The following NEK6 variants were observed in gnomAD, a reference collection of about 807,000 sequenced individuals.
The protein encoded by NEK6 is NIMA related kinase 6.
A neutral mutation model predicts 43.5 loss-of-function variants in NEK6; 27 were observed. That is an observed-to-expected ratio of 0.62 (90% CI 0.46 to 0.86). The LOEUF (loss-of-function observed/expected upper bound fraction) is 0.86. NEK6 is among the 40% of genes least tolerant of loss of function. The pLI is 0.00. For missense variants in NEK6, 318 were observed against 414.4 expected (o/e 0.77, Z 2.02); for synonymous variants, 167 against 164.1 (o/e 1.02, Z -0.14).
intron 5 of NEK6, among the ~76,000 whole-genome samples, chr9:124,322,904 CATTTCCGTTGACATATT>C (rs1429342683): frequency 6.6e-6 from 1 of 152,270 alleles, no homozygotes; most frequent in Non-Finnish European, 1.5e-5. Flanking sequence ...CCTGCTCTTA[CATTTCCGTTGACATATT>C]AATGCCTTTG....
In NEK6 at chr9:124,326,204, C is replaced by CG. The variant is rs1588517430; in HGVS notation, c.406-126_406-125insG. On this transcript the variant is annotated intron_variant, in intron 5 of 9. Coordinates refer to ENST00000320246, the MANE Select transcript of NEK6 (RefSeq NM_014397.6). This position sits in a 1 kb window ranked among gnomAD's most constrained non-coding sequence, Gnocchi z 4.5. ...TTATTGTTTGCTCAGTGGCTCAATC[C>CG]CCCCCCCCCGCCCCTGCCAGGCACC... 1 of 77,492 alleles carries CG rather than the reference C, an allele frequency of 1.3e-5. No homozygotes were observed. The highest frequency in any genetic ancestry group is 6.9e-4 in the South Asian group (1 of 1,454). 4.8% of individuals were successfully genotyped at this position (77,492 alleles called of 1,614,324 possible).
At chr9:124,317,679 G>A (rs899382415) in intron 4 of NEK6, among the ~76,000 whole-genome samples, 2 of 152,004 alleles carry the variant, frequency 1.3e-5, no homozygotes, top group African/African-American at 4.8e-5. Context: ...CCCCACTCCC[G>A]CCCCCTCTTG....
At chr9:124,292,989 G>A in intron 1 of NEK6, 1 of 1,574,944 alleles carries the variant, frequency 6.3e-7, no homozygotes, top group Non-Finnish European at 8.6e-7. Context: ...CCGGCAGGAG[G>A]AGCAGAGCCT....
rs546533892 is a variant in NEK6 at position 124,265,278 on chromosome 9, C to G, written c.-30+7193C>G. ...GTGGCTCACGCCTGTAATCCCAGCA[C>G]TTTGGGAGGCCGAGGCAGGCGGATC... On this transcript the variant is annotated intron_variant, in intron 1 of 9. Transcript: ENST00000320246. 7.9e-5 allele frequency among the ~76,000 whole-genome samples: 12 copies of G among 152,290 alleles called. No individual in the cohort carries two copies. The South Asian group carries it at 1.7e-3, about 21-fold the overall frequency.
chr9:124,265,184 G>A (rs1217891836), intron 1 of NEK6, among the ~76,000 whole-genome samples: 2 of 152,308 alleles, frequency 1.3e-5, no homozygotes, highest in Middle Eastern at 3.4e-3. Flanking sequence ...ATCCCATCCA[G>A]CGGTTTGCTT....
intron 1 of NEK6, chr9:124,292,177 CCTCCAGGGCTGGAG>C: frequency 8.0e-7 from 1 of 1,248,760 alleles, no homozygotes; most frequent in Non-Finnish European, 1.0e-6. Flanking sequence ...GCCCCAGGGA[CCTCCAGGGCTGGAG>C]CTCCAGGGAC....
intron 2 of NEK6, among the ~76,000 whole-genome samples, chr9:124,311,519 C>T (rs1422860732): frequency 6.6e-6 from 1 of 152,184 alleles, no homozygotes; most frequent in East Asian, 1.9e-4. Flanking sequence ...CACAGGTGTC[C>T]TGGGGTCCTC....
At chr9:124,295,064 GCCT>G (rs1326318332) in intron 1 of NEK6, among the ~76,000 whole-genome samples, 1 of 152,224 alleles carries the variant, frequency 6.6e-6, no homozygotes, top group Non-Finnish European at 1.5e-5. Context: ...CAATCAGCTG[GCCT>G]CCTGATGCTG....
In NEK6 at chr9:124,337,434, G is replaced by A. The variant is rs1829352987; in HGVS notation, c.623-2137G>A. 2.6e-5 allele frequency among the ~76,000 whole-genome samples: 4 copies of A among 152,312 alleles called. No individual in the cohort carries two copies. In the South Asian group the frequency reaches 8.3e-4, roughly 32 times the overall value. On this transcript the variant is annotated intron_variant, in intron 7 of 9. Transcript: ENST00000320246. ...TGAGGTATAATATACATACAGTGAA[G>A]CTCCTGGAGCCCTTTCCTGGTCACC... is the stretch of plus-strand genomic sequence containing the variant.
chr9:124,302,287 C>G (rs1833021674), intron 2 of NEK6, among the ~76,000 whole-genome samples: 1 of 152,150 alleles, frequency 6.6e-6, no homozygotes, highest in Non-Finnish European at 1.5e-5. Context: ...GACCCTGCAC[C>G]CTGATCCTGC....
At position 124,326,265 on chromosome 9, in the gene NEK6, T is replaced by A; in HGVS notation, c.406-65T>A. On this transcript the variant is annotated intron_variant, in intron 5 of 9. Coordinates refer to ENST00000320246, the MANE Select transcript of NEK6 (RefSeq NM_014397.6). The surrounding 1 kb of genome is among the most constrained non-coding windows in gnomAD (Gnocchi z 4.5). ...TGGGGAAAGGACAGAGGCAGTGCCC[T>A]GTGGCCACCCACCTCCAAGCCCGCT... 1.1e-6 allele frequency: 1 copy of A among 870,130 alleles called. No individual in the cohort carries two copies. Among genetic ancestry groups the A allele is most frequent in the South Asian group, 1.3e-5 (1 of 77,680 alleles). 53.9% of individuals were successfully genotyped at this position (870,130 alleles called of 1,614,324 possible).
At chr9:124,305,477 C>G (rs1344060917) in intron 2 of NEK6, among the ~76,000 whole-genome samples, 1 of 150,400 alleles carries the variant, frequency 6.6e-6, no homozygotes, top group Non-Finnish European at 1.5e-5. Context: ...TCGCTTCAAC[C>G]TGGGAGGCAG....
rs571603711 is a variant in NEK6 at position 124,325,393 on chromosome 9, C to T, written c.406-937C>T. ...TCCTCCACCCATGCCCCTTTCCAGG[C>T]CAGTGTGTCCTGGTCAGTTCCCAGC... On this transcript the variant is annotated intron_variant, in intron 5 of 9. Transcript: ENST00000320246. Among the ~76,000 whole-genome samples, 6 of 152,366 alleles carry T rather than the reference C, an allele frequency of 3.9e-5. No individual in the cohort carries two copies. The East Asian group carries it at 1.2e-3, about 29-fold the overall frequency.
intron 7 of NEK6, among the ~76,000 whole-genome samples, chr9:124,329,734 C>G (rs1181236093): frequency 1.3e-5 from 2 of 152,232 alleles, no homozygotes; most frequent in Non-Finnish European, 2.9e-5. Context: ...GGTGACAGTG[C>G]CAAGCTAAAG....
chr9:124,313,825 G>A (rs925116751), intron 3 of NEK6, 98 bp from the exon 4 acceptor site: 2 of 1,204,968 alleles, frequency 1.7e-6, no homozygotes, highest in Non-Finnish European at 2.4e-6. Context: ...TGGTGAGGAG[G>A]TGGGAGAGCC....
intron 2 of NEK6, among the ~76,000 whole-genome samples, chr9:124,306,091 G>A (rs897949034): frequency 1.3e-5 from 2 of 152,114 alleles, no homozygotes; most frequent in Non-Finnish European, 2.9e-5. Context: ...TTCTTCACCA[G>A]GTGAGATGAT....
chr9:124,280,975 G>A (rs1831877665), intron 1 of NEK6, among the ~76,000 whole-genome samples: 1 of 152,094 alleles, frequency 6.6e-6, no homozygotes, highest in South Asian at 2.1e-4. Flanking sequence ...TTTTTGTGGA[G>A]ATGGGGTTTC....
intron 7 of NEK6, among the ~76,000 whole-genome samples, chr9:124,329,341 C>A (rs1370977913): frequency 2.0e-5 from 3 of 152,270 alleles, no homozygotes; most frequent in African/African-American, 7.2e-5. Flanking sequence ...CCGAGCCTTT[C>A]TCTGTCCCAC....
chr9:124,257,674 T>C (rs1008184270), upstream of NEK6: 5 of 1,531,900 alleles, frequency 3.3e-6, no homozygotes, highest in Middle Eastern at 1.7e-4. Context: ...CAGACCCTCA[T>C]CATAAGTCTA....
Sources: allele counts gnomAD v4.1 joint callset (sites outside exome capture counted in the v4.1 genomes callset), GRCh38; gene constraint gnomAD v4.1.1; non-coding constraint Gnocchi (gnomAD v3.1); transcripts MANE v1.5; gene names NCBI Gene and HGNC (gene_info 2026-07-23, HGNC 2026-07-21).